The following COMMD1 variants were observed in gnomAD, a reference collection of about 807,000 sequenced individuals.
The protein encoded by COMMD1 is COMM domain-containing protein 1.
In COMMD1, 10 loss-of-function variants were observed where a neutral mutation model predicts 17.2. The ratio of observed to expected loss-of-function variants is 0.58; its 90% CI spans 0.36 to 0.99. The LOEUF is 0.99. Among genes scored for constraint, COMMD1 ranks in the 50% least tolerant of loss-of-function variants. The probability of loss-of-function intolerance (pLI) is 0.01; values close to 1 mark genes in which losing one functional copy is unlikely to be tolerated. For synonymous variants in COMMD1, 97 were observed against 91.6 expected (o/e 1.06, Z -0.34); for missense variants, 270 against 231.8 (o/e 1.17, Z -1.07).
chr2:61,971,439 T>A (rs1161170013), intron 1 of COMMD1, among the ~76,000 whole-genome samples: 2 of 152,118 alleles, frequency 1.3e-5, no homozygotes, highest in African/African-American at 2.4e-5. Flanking sequence ...TAGTCCTCTT[T>A]CCAAATAAGG....
At position 61,979,305 on chromosome 2, in the gene COMMD1, C is replaced by T. The variant is rs138510823; in HGVS notation, c.181-21396C>T. 7.3e-3 allele frequency among the ~76,000 whole-genome samples: 1,106 copies of T among 152,108 alleles called. 18 individuals carry two copies. The highest frequency in any genetic ancestry group is 0.024 in the African/African-American group (1,008 of 41,472). On this transcript the variant is annotated intron_variant, in intron 1 of 2. Coordinates refer to ENST00000311832, the MANE Select transcript of COMMD1 (RefSeq NM_152516.4). ...CAGCCTGTCCAACATGGTGAAACCC[C>T]GTCTCTACTAAAAATACAAAAATTA... is the stretch of plus-strand genomic sequence containing the variant.
chr2:61,967,661 G>A (rs942467386), intron 1 of COMMD1, among the ~76,000 whole-genome samples: 4 of 152,220 alleles, frequency 2.6e-5, no homozygotes, highest in African/African-American at 9.6e-5. Flanking sequence ...GGATCATAAA[G>A]CTGAATGGGC....
intron 2 of COMMD1, among the ~76,000 whole-genome samples, chr2:62,087,466 G>C (rs1671701668): frequency 6.6e-6 from 1 of 152,140 alleles, no homozygotes; most frequent in Admixed American, 6.5e-5. Context: ...CTTGATAAGT[G>C]GGGGCATGGT....
At chr2:62,102,275 C>A (rs1035222360) in intron 2 of COMMD1, among the ~76,000 whole-genome samples, 6 of 152,128 alleles carry the variant, frequency 3.9e-5, no homozygotes, top group Non-Finnish European at 8.8e-5. Flanking sequence ...TATATAAACA[C>A]CCTCTGTACT....
rs141323317 is a variant in COMMD1, at chr2:62,081,070, T to C, written c.463-54761T>C. On this transcript the variant is annotated intron_variant, in intron 2 of 2. Coordinates refer to ENST00000311832, the MANE Select transcript of COMMD1 (RefSeq NM_152516.4). ...CCCTTAGATACTGGTGCTTTTGTTT[T>C]TTGATTTTAGGATTAGGATTTCTGT... Among the ~76,000 whole-genome samples, 29 of 152,222 alleles carry C rather than the reference T, an allele frequency of 1.9e-4. No homozygotes were observed. In the East Asian group the frequency reaches 5.6e-3, roughly 29 times the overall value.
Position 62,115,475 on chromosome 2 carries a change from A to G in COMMD1, c.463-20356A>G, listed in dbSNP as rs539962474. 4.6e-5 allele frequency among the ~76,000 whole-genome samples: 7 copies of G among 152,376 alleles called. No homozygotes were observed. In the East Asian group the frequency reaches 1.2e-3, roughly 25 times the overall value. On this transcript the variant is annotated intron_variant, in intron 2 of 2. Coordinates refer to ENST00000311832, the MANE Select transcript of COMMD1 (RefSeq NM_152516.4). ...GATTTAGAAGTAGTGAGAACATTCA[A>G]TGTGGGAATAATAGTGTGAGTAAAA...
intron 2 of COMMD1, among the ~76,000 whole-genome samples, chr2:62,066,908 T>C (rs779000329): frequency 5.3e-5 from 8 of 150,902 alleles, no homozygotes; most frequent in Non-Finnish European, 1.2e-4. Context: ...GTATTTTTAG[T>C]AGAGACAGGG....
chr2:62,125,396 C>T (rs1033479169), intron 2 of COMMD1, among the ~76,000 whole-genome samples: 1 of 152,088 alleles, frequency 6.6e-6, no homozygotes, highest in Non-Finnish European at 1.5e-5. Flanking sequence ...AGTTGCAGTC[C>T]TAGACTGACT....
At chr2:61,914,355 A>G (rs1669995048) in intron 1 of COMMD1, among the ~76,000 whole-genome samples, 1 of 152,094 alleles carries the variant, frequency 6.6e-6, no homozygotes, top group Non-Finnish European at 1.5e-5. Context: ...CCTGGCCAGC[A>G]TAGTGAAACC....
At chr2:62,088,467 C>A (rs561548724) in intron 2 of COMMD1, among the ~76,000 whole-genome samples, 1 of 152,306 alleles carries the variant, frequency 6.6e-6, no homozygotes, top group African/African-American at 2.4e-5. Context: ...CAGTTAATGG[C>A]ATTGCGATCA....
chr2:61,939,182 G>A (rs761335466), intron 1 of COMMD1, among the ~76,000 whole-genome samples: 3 of 151,760 alleles, frequency 2.0e-5, no homozygotes, highest in Non-Finnish European at 4.4e-5. Context: ...GGCCGGGCGC[G>A]GTGGCTCACA....
At chr2:61,898,404 A>G (rs1669594222) in intron 1 of COMMD1, among the ~76,000 whole-genome samples, 1 of 152,128 alleles carries the variant, frequency 6.6e-6, no homozygotes. Context: ...TGAGCCAGGG[A>G]GGTTGGGTTT....
At chr2:61,984,474 C>A (rs1204365150) in intron 1 of COMMD1, among the ~76,000 whole-genome samples, 7 of 152,130 alleles carry the variant, frequency 4.6e-5, no homozygotes, top group Non-Finnish European at 1.0e-4. Flanking sequence ...TTCCAAAATT[C>A]TTCTTGTTGC....
chr2:61,907,966 G>T (rs1380780293), intron 1 of COMMD1, among the ~76,000 whole-genome samples: 2 of 152,120 alleles, frequency 1.3e-5, no homozygotes, highest in Admixed American at 1.3e-4. Context: ...GGGATTACAG[G>T]TGTGAGCCAC....
intron 1 of COMMD1, among the ~76,000 whole-genome samples, chr2:61,938,555 C>T (rs540953420): frequency 2.0e-5 from 3 of 152,310 alleles, no homozygotes; most frequent in African/African-American, 7.2e-5. Flanking sequence ...CTCTTCCAAG[C>T]ACACGTTCCT....
At chr2:61,963,188 TATAC>T (rs1558538897) in intron 1 of COMMD1, among the ~76,000 whole-genome samples, 1 of 128,388 alleles carries the variant, frequency 7.8e-6, no homozygotes. Context: ...ATATATATTA[TATAC>T]ACACACACAC....
intron 2 of COMMD1, among the ~76,000 whole-genome samples, chr2:62,004,256 T>C (rs1268185499): frequency 1.3e-5 from 2 of 152,218 alleles, no homozygotes; most frequent in South Asian, 2.1e-4. Context: ...AGTAAAGAAA[T>C]AGTCACAATG....
At chr2:62,083,401 A>G (rs902129703) in intron 2 of COMMD1, among the ~76,000 whole-genome samples, 3 of 152,220 alleles carry the variant, frequency 2.0e-5, no homozygotes, top group Admixed American at 6.5e-5. Flanking sequence ...GAGCCTCTCT[A>G]TATTCTGATA....
chr2:61,996,899 T>TA (rs1020256624), intron 1 of COMMD1, among the ~76,000 whole-genome samples: 77 of 152,320 alleles, frequency 5.1e-4, no homozygotes, highest in African/African-American at 1.8e-3. Context: ...AAACTCCCTT[T>TA]AATGTGGATA....
Sources: allele counts gnomAD v4.1 joint callset (sites outside exome capture counted in the v4.1 genomes callset), GRCh38; gene constraint gnomAD v4.1.1; transcripts MANE v1.5; gene names NCBI Gene and HGNC (gene_info 2026-07-23, HGNC 2026-07-21).